Variants in SMARCA1 observed in about 807,000 individuals in gnomAD.
SMARCA1 encodes the protein SNF2 related chromatin remodeling ATPase 1, also known as SWI/SNF-related matrix-associated actin-dependent regulator of chromatin subfamily A member 1.
A neutral mutation model predicts 93.6 loss-of-function variants in SMARCA1; 17 were observed. That is an observed-to-expected ratio of 0.18 (90% CI 0.12 to 0.27). The LOEUF is 0.27. Among genes scored for constraint, SMARCA1 ranks in the 10% least tolerant of loss-of-function variants. The pLI, the probability that SMARCA1 is intolerant of heterozygous loss-of-function variation, is 1.00. For synonymous variants in SMARCA1, 271 were observed against 271.4 expected, an observed-to-expected ratio of 1.00 and a Z score of 0.01; for missense variants, 630 against 819.0, an observed-to-expected ratio of 0.77 and a Z score of 2.82.
chrX:129,480,989 C>A, intron 18 of SMARCA1, 86 bp downstream of exon 18: 1 of 607,784 alleles, frequency 1.6e-6, no homozygotes, highest in Non-Finnish European at 2.6e-6. Context: ...TATGATTTGG[C>A]AATGATACAA....
intron 7 of SMARCA1, 41 bp downstream of exon 7, chrX:129,507,900 G>A (rs1460029854): frequency 1.1e-6 from 1 of 888,918 alleles, no homozygotes; most frequent in Non-Finnish European, 1.5e-6. Context: ...AACCAACCTG[G>A]TAATTAAATG....
intron 23 of SMARCA1, among the ~76,000 whole-genome samples, chrX:129,454,743 C>T (rs1327324457): frequency 9.0e-5 from 10 of 111,636 alleles, no homozygotes; most frequent in African/African-American, 2.9e-4. Context: ...GTGTGCTGCA[C>T]CCATTAACTC....
intron 7 of SMARCA1, among the ~76,000 whole-genome samples, chrX:129,506,472 A>G (rs1037575198): frequency 9.1e-6 from 1 of 110,030 alleles, no homozygotes; most frequent in Non-Finnish European, 1.9e-5. Context: ...GGATCACCTC[A>G]GGTCTGGGGT....
chrX:129,488,286 C>CAAAAAAAAAAAAAAAAAA (rs34476497), intron 16 of SMARCA1, among the ~76,000 whole-genome samples: 1 of 46,700 alleles, frequency 2.1e-5, no homozygotes, highest in Non-Finnish European at 4.3e-5. Context: ...TAGTCCAGTG[C>CAAAAAAAAAAAAAAAAAA]AAAAAAAAAA....
At position 129,466,728 on chromosome X, in the gene SMARCA1, A is replaced by T. The variant is rs1188036593; in HGVS notation, c.2699-766T>A. On this transcript the variant is annotated intron_variant, in intron 21 of 24. Coordinates refer to ENST00000371121, the MANE Select transcript of SMARCA1 (RefSeq NM_001282874.2). ...TCAAATTTTTTTCTATGGAGCAGCC[A>T]TTTCTCTTGAAATTGTCATTTGCTT... Among the ~76,000 whole-genome samples the T allele has an allele frequency of 3.6e-5, 4 of 110,141 alleles. No homozygotes were observed. In the Admixed American group the frequency reaches 3.9e-4, roughly 11 times the overall value.
At chrX:129,495,588 A>G (rs1934290253) in intron 12 of SMARCA1, among the ~76,000 whole-genome samples, 2 of 110,292 alleles carry the variant, frequency 1.8e-5, no homozygotes, top group African/African-American at 3.3e-5. Flanking sequence ...TGCTCAGGCT[A>G]GTCTTTACTG....
chrX:129,448,649 C>T (rs923286852), intron 23 of SMARCA1, among the ~76,000 whole-genome samples: 7 of 109,544 alleles, frequency 6.4e-5, no homozygotes, highest in African/African-American at 2.3e-4. Flanking sequence ...TTAAACAAAC[C>T]ATGATACATC....
chrX:129,452,003 T>C (rs1446058105), intron 23 of SMARCA1, among the ~76,000 whole-genome samples: 1 of 111,928 alleles, frequency 8.9e-6, no homozygotes, highest in Admixed American at 9.5e-5. Flanking sequence ...ACGCCCAGCC[T>C]CCATTTTTTT....
chrX:129,486,945 C>T, intron 17 of SMARCA1, 73 bp downstream of exon 17: 1 of 841,167 alleles, frequency 1.2e-6, no homozygotes, highest in Non-Finnish European at 1.7e-6. Context: ...TAGGTAAGTG[C>T]CAGTGTTATT....
chrX:129,452,729 GATGAATACAGCTAAGTTAGGATCA>G (rs1320057405), intron 23 of SMARCA1, among the ~76,000 whole-genome samples: 1 of 112,022 alleles, frequency 8.9e-6, no homozygotes, highest in Non-Finnish European at 1.9e-5. Context: ...CAGCATGAGT[GATGAATACAGCTAAGTTAGGATCA>G]AAGTACAGGC....
In SMARCA1 at chrX:129,516,006, A is replaced by G; in HGVS notation, c.429-12T>C. 1 of 1,135,821 alleles carries G rather than the reference A, an allele frequency of 8.8e-7. No individual in the cohort carries two copies. The highest frequency in any genetic ancestry group is 2.2e-5 in the Admixed American group (1 of 44,824). The allele number at this position is 1,135,821 out of a possible 1,213,427, so 93.6% of individuals were successfully genotyped here. ...GCCTATGGCGGTAGCTGAAATTAAA[A>G]AAGGAAATCCCTTCATATTCGACCT... On this transcript the variant is annotated splice_polypyrimidine_tract_variant and intron_variant, in intron 3 of 24. Coordinates refer to ENST00000371121, the MANE Select transcript of SMARCA1 (RefSeq NM_001282874.2).
intron 1 of SMARCA1, 107 bp downstream of exon 1, chrX:129,523,090 G>T: frequency 2.1e-6 from 2 of 931,249 alleles, no homozygotes; most frequent in Non-Finnish European, 2.9e-6. Context: ...CCCTAGCCCC[G>T]CAAAGCTCCG....
rs1398502515 is a variant in SMARCA1 at position 129,517,556 on chromosome X, T to C, written c.261+805A>G. On this transcript the variant is annotated intron_variant, in intron 2 of 24. Coordinates refer to ENST00000371121, the MANE Select transcript of SMARCA1 (RefSeq NM_001282874.2). ...CTCACTGGAATGTTATTTTTAGAGT[T>C]GTTAAAACATTGCCTACCTACATTA... Among the ~76,000 whole-genome samples the C allele has an allele frequency of 9.9e-5, 11 of 111,327 alleles. No individual in the cohort carries two copies. In the Admixed American group the frequency reaches 1.1e-3, roughly 11 times the overall value.
chrX:129,477,176 C>T, intron 19 of SMARCA1, among the ~76,000 whole-genome samples: 1 of 111,666 alleles, frequency 9.0e-6, no homozygotes, highest in Non-Finnish European at 1.9e-5. Flanking sequence ...CATCTTCTCT[C>T]ATTTTGATAC....
intron 22 of SMARCA1, 46 bp from the exon 23 acceptor site, chrX:129,465,778 G>A (rs1569427479): frequency 4.7e-6 from 5 of 1,060,315 alleles, no homozygotes; most frequent in Non-Finnish European, 6.4e-6. Flanking sequence ...TGTGCAGTAA[G>A]AAGTCAAAGC....
At chrX:129,504,560 A>AC (rs1479126311) in intron 9 of SMARCA1, among the ~76,000 whole-genome samples, 174 bp downstream of exon 9, 4 of 93,123 alleles carry the variant, frequency 4.3e-5, no homozygotes, top group African/African-American at 1.9e-4. Context: ...AAAAAAAAAA[A>AC]AAAAAAAAAA....
intron 5 of SMARCA1, among the ~76,000 whole-genome samples, 200 bp from the exon 6 acceptor site, chrX:129,512,183 T>A (rs1935042046): frequency 8.9e-6 from 1 of 112,010 alleles, no homozygotes; most frequent in South Asian, 3.7e-4. Flanking sequence ...GTACTTACCG[T>A]GAGCACAAAC....
At chrX:129,501,717 C>G (rs12858936) in intron 9 of SMARCA1, among the ~76,000 whole-genome samples, 1 of 106,145 alleles carries the variant, frequency 9.4e-6, no homozygotes, top group Non-Finnish European at 2.0e-5. Context: ...AGGTTCAAGC[C>G]ATTCTCCTAC....
At chrX:129,498,168 T>TGTG (rs1934409586) in intron 10 of SMARCA1, 97 bp from the exon 11 acceptor site, 4 of 526,574 alleles carry the variant, frequency 7.6e-6, no homozygotes, top group Non-Finnish European at 9.8e-6. Flanking sequence ...TGTTTAAAGA[T>TGTG]AAACAAGATT....
Sources: gnomAD v4.1 joint callset for allele counts (sites outside exome capture counted in the v4.1 genomes callset) on GRCh38, gnomAD v4.1.1 for gene constraint, MANE v1.5 for transcripts, NCBI Gene and HGNC (gene_info 2026-07-23, HGNC 2026-07-21) for gene names.